Variants in PPP4R3B observed in about 807,000 individuals in gnomAD.
PPP4R3B encodes serine/threonine-protein phosphatase 4 regulatory subunit 3B.
PPP4R3B carries 52 observed loss-of-function variants against 95.4 expected under a neutral mutation model. That is an observed-to-expected ratio of 0.54 (90% CI 0.44 to 0.69). The LOEUF is 0.69. PPP4R3B is among the 30% of genes least tolerant of loss of function. The pLI is 0.00. For missense variants in PPP4R3B, 1,003 were observed against 1,005.9 expected (o/e 1.00, Z 0.04); for synonymous variants, 407 against 343.9 (o/e 1.18, Z -2.03).
rs11376018 is a variant in PPP4R3B at position 55,588,515 on chromosome 2, G to GAA, written c.999+362_999+363dup. 8.0e-4 allele frequency among the ~76,000 whole-genome samples: 76 copies of GAA among 94,800 alleles called. 1 individual carries two copies. The highest frequency in any genetic ancestry group is 2.2e-3 in the South Asian group (7 of 3,146). 62.2% of individuals were successfully genotyped at this position (94,800 alleles called of 152,430 possible). On this transcript the variant is annotated intron_variant, in intron 5 of 16. Transcript: ENST00000616407. Reference sequence around the variant, plus strand: ...GCAACAAGAGCGAAACTCCATCTCAGAAAAAAAAAAAAAAAAGAAAAAGAA... The same window carrying GAA: ...GCAACAAGAGCGAAACTCCATCTCAGAAAAAAAAAAAAAAAAAAGAAAAAGAA...
chr2:55,578,452 T>A, intron 9 of PPP4R3B, 110 bp from the exon 10 acceptor site: 1 of 1,071,276 alleles, frequency 9.3e-7, no homozygotes, highest in African/African-American at 1.6e-5. Flanking sequence ...TTTATTAAAA[T>A]GAACATAAAA....
chr2:55,616,963 G>A (rs924626127), intron 1 of PPP4R3B, among the ~76,000 whole-genome samples, 181 bp downstream of exon 1: 2 of 152,006 alleles, frequency 1.3e-5, no homozygotes, highest in Non-Finnish European at 2.9e-5. Context: ...AGAGAGTCTC[G>A]GTCTCCGAGG....
intron 7 of PPP4R3B, 121 bp from the exon 8 acceptor site, chr2:55,581,819 T>C: frequency 9.4e-7 from 1 of 1,058,800 alleles, no homozygotes; most frequent in Non-Finnish European, 1.3e-6. Context: ...AAGAATGGAA[T>C]AGCTTATTTA....
At chr2:55,613,565 T>A (rs1694489958) in intron 2 of PPP4R3B, among the ~76,000 whole-genome samples, 1 of 152,108 alleles carries the variant, frequency 6.6e-6, no homozygotes, top group Admixed American at 6.5e-5. Context: ...TACCTACATA[T>A]CCTAATGATT....
intron 16 of PPP4R3B, among the ~76,000 whole-genome samples, chr2:55,555,334 T>C (rs1447903954): frequency 6.0e-5 from 9 of 150,004 alleles, no homozygotes; most frequent in Non-Finnish European, 1.3e-4. Flanking sequence ...CCCCATCAAA[T>C]TGTCTTGGCA....
intron 1 of PPP4R3B, among the ~76,000 whole-genome samples, chr2:55,615,871 A>T (rs1279557889): frequency 6.7e-6 from 1 of 148,632 alleles, no homozygotes; most frequent in Non-Finnish European, 1.5e-5. Context: ...AAAAAAAAAA[A>T]AAAAAAAAAA....
intron 4 of PPP4R3B, among the ~76,000 whole-genome samples, chr2:55,593,222 G>A (rs1477306445): frequency 6.6e-6 from 1 of 152,032 alleles, no homozygotes; most frequent in Non-Finnish European, 1.5e-5. Context: ...TGGGCACAGG[G>A]GATTTTGATC....
chr2:55,602,116 A>G (rs1336121103), intron 3 of PPP4R3B, among the ~76,000 whole-genome samples: 1 of 152,224 alleles, frequency 6.6e-6, no homozygotes, highest in African/African-American at 2.4e-5. Flanking sequence ...AAGGAGAGAA[A>G]TAAGAAATCA....
intron 2 of PPP4R3B, among the ~76,000 whole-genome samples, chr2:55,612,158 T>C (rs775914652): frequency 2.0e-5 from 3 of 152,204 alleles, no homozygotes; most frequent in Admixed American, 1.3e-4. Context: ...TCCCAGCTAC[T>C]GGAGAAGCTG....
At chr2:55,576,324 G>T (rs1483657465) in intron 11 of PPP4R3B, among the ~76,000 whole-genome samples, 1 of 151,956 alleles carries the variant, frequency 6.6e-6, no homozygotes, top group Non-Finnish European at 1.5e-5. Context: ...CTCTAGCCTG[G>T]GTGACAGAGT....
intron 4 of PPP4R3B, chr2:55,591,626 C>G (rs1691037953): frequency 1.0e-6 from 1 of 984,580 alleles, no homozygotes; most frequent in Admixed American, 6.2e-5. Context: ...AGTTCCAACT[C>G]CTTGATAAAT....
Position 55,598,819 on chromosome 2 carries a change from T to C in PPP4R3B, c.518A>G (p.Lys173Arg), listed in dbSNP as rs1449421406. 1.2e-6 allele frequency: 2 copies of C among 1,614,100 alleles called. No homozygotes were observed. The highest frequency in any genetic ancestry group is 2.7e-5 in the African/African-American group (2 of 74,938). Reference sequence around the variant, plus strand: ...AGCTTGGAACAGCTGCAATAGTTTTTTAATATAGCCTTCATTTTCCAAGGC... The same window carrying C: ...AGCTTGGAACAGCTGCAATAGTTTTCTAATATAGCCTTCATTTTCCAAGGC... ...ALALENEGYIKKLLQLFQACE... is the reference protein window; with the variant it reads ...ALALENEGYIRKLLQLFQACE... The change falls in exon 4 of 17, where the codon AAA (lysine) becomes AGA (arginine). Residue 173 changes from lysine (K) to arginine (R), a missense_variant. This residue lies in a region of PPP4R3B where 695 missense variants were observed against 686.2 expected (regional missense o/e 1.01). Transcript: ENST00000616407.
intron 15 of PPP4R3B, among the ~76,000 whole-genome samples, chr2:55,560,124 A>G (rs1482431339): frequency 6.6e-6 from 1 of 152,182 alleles, no homozygotes; most frequent in Non-Finnish European, 1.5e-5. Context: ...TCCATCTCAA[A>G]AAAAAAGATA....
At chr2:55,586,262 A>C (rs1433413965) in intron 6 of PPP4R3B, among the ~76,000 whole-genome samples, 1 of 152,188 alleles carries the variant, frequency 6.6e-6, no homozygotes, top group East Asian at 1.9e-4. Flanking sequence ...CAAAACTCTA[A>C]GAACCATGCC....
Position 55,590,000 on chromosome 2 carries a change from T to A in PPP4R3B, c.922-1044A>T, listed in dbSNP as rs546922755. Among the ~76,000 whole-genome samples the A allele has an allele frequency of 1.1e-3, 154 of 144,634 alleles. No individual in the cohort carries two copies. The Middle Eastern group carries it at 0.022, about 20-fold the overall frequency. 94.9% of individuals were successfully genotyped at this position (144,634 alleles called of 152,430 possible). On this transcript the variant is annotated intron_variant, in intron 4 of 16. Coordinates refer to ENST00000616407, the MANE Select transcript of PPP4R3B (RefSeq NM_001122964.3). Reference sequence around the variant, plus strand: ...ATATATTTAATATATTATATATATATAATATATATATAGTCAAGCACGCAT... The same window carrying A: ...ATATATTTAATATATTATATATATAAAATATATATATAGTCAAGCACGCAT...
chr2:55,588,347 CTA>C (rs978338451), intron 5 of PPP4R3B, among the ~76,000 whole-genome samples: 13 of 152,004 alleles, frequency 8.6e-5, no homozygotes, highest in African/African-American at 3.1e-4. Context: ...AATCCTGTCT[CTA>C]CTAAAAATAC....
chr2:55,611,993 A>C (rs1300273187), intron 2 of PPP4R3B, among the ~76,000 whole-genome samples: 1 of 152,176 alleles, frequency 6.6e-6, no homozygotes, highest in Non-Finnish European at 1.5e-5. Context: ...TTGGCCTTCC[A>C]AAGTGCTGAG....
At position 55,571,768 on chromosome 2, in the gene PPP4R3B, G is replaced by A. The variant is rs139606600; in HGVS notation, c.1765+1851C>T. ...AGCTTCCTGAGTAGCTGGGATTACA[G>A]ACATACACCACCATGCCTGGCTAAT... On this transcript the variant is annotated intron_variant, in intron 12 of 16. Coordinates refer to ENST00000616407, the MANE Select transcript of PPP4R3B (RefSeq NM_001122964.3). Among the ~76,000 whole-genome samples, 523 of 152,290 alleles carry A rather than the reference G, an allele frequency of 3.4e-3. 3 individuals carry two copies. Among genetic ancestry groups the A allele is most frequent in the African/African-American group, 0.01 (435 of 41,564 alleles).
rs950568379 is a variant in PPP4R3B at position 55,548,214 on chromosome 2, C to T, written c.*1697G>A. On this transcript the variant is annotated 3_prime_UTR_variant, in exon 17 of 17. Coordinates refer to ENST00000616407, the MANE Select transcript of PPP4R3B (RefSeq NM_001122964.3). ...AGTCACTGATAAAGTGCCATTGACC[C>T]GCATTTGTTTAGAATTATTTCATTA... is the stretch of plus-strand genomic sequence containing the variant. The T allele has an allele frequency of 2.0e-5, 3 of 152,384 alleles. No individual in the cohort carries two copies. The highest frequency in any genetic ancestry group is 2.9e-5 in the Non-Finnish European group (2 of 68,028). 9.4% of individuals were successfully genotyped at this position (152,384 alleles called of 1,614,324 possible). A position where few individuals can be genotyped will look rare whatever the true frequency, so the allele number is the denominator to read the frequency against.
Sources: allele counts gnomAD v4.1 joint callset (sites outside exome capture counted in the v4.1 genomes callset), GRCh38; gene constraint gnomAD v4.1.1; regional missense constraint gnomAD v4.1.1; transcripts MANE v1.5; gene names NCBI Gene and HGNC (gene_info 2026-07-23, HGNC 2026-07-21).